RIMBP2: variants seen among roughly 807,000 people sequenced by gnomAD.
RIMBP2 encodes the protein RIMS-binding protein 2.
A neutral mutation model predicts 118.6 loss-of-function variants in RIMBP2; 48 were observed. That is an observed-to-expected ratio of 0.40 (90% CI 0.32 to 0.51). The LOEUF (loss-of-function observed/expected upper bound fraction) is 0.51. Among genes scored for constraint, RIMBP2 ranks in the 20% least tolerant of loss-of-function variants. The pLI is 0.41. For synonymous variants in RIMBP2, 762 were observed against 742.9 expected, an observed-to-expected ratio of 1.03 and a Z score of -0.42; for missense variants, 1,551 against 1,768.3, an observed-to-expected ratio of 0.88 and a Z score of 2.20.
chr12:130,412,850 C>T (rs1268501204), intron 18 of RIMBP2, 63 bp from the exon 19 acceptor site: 4 of 1,456,386 alleles, frequency 2.7e-6, no homozygotes, highest in Non-Finnish European at 3.7e-6. Flanking sequence ...TACAATAGTC[C>T]CACTGACGGT....
intron 19 of RIMBP2, 33 bp downstream of exon 19, chr12:130,412,586 C>T (rs2075804219): frequency 2.5e-6 from 4 of 1,598,654 alleles, no homozygotes; most frequent in Non-Finnish European, 3.4e-6. Flanking sequence ...GGATAAAATG[C>T]ACAGGGAAGG....
intron 3 of RIMBP2, among the ~76,000 whole-genome samples, chr12:130,514,002 A>AC (rs1470197133): frequency 6.6e-6 from 1 of 152,034 alleles, no homozygotes; most frequent in Non-Finnish European, 1.5e-5. Flanking sequence ...GCACAAAGTC[A>AC]CCCCCACACC....
chr12:130,420,882 C>A lies in RIMBP2; in HGVS notation c.3238+1571G>T, dbSNP rs1383218110. On this transcript the variant is annotated intron_variant, in intron 17 of 22. Coordinates refer to ENST00000690449, the MANE Select transcript of RIMBP2 (RefSeq NM_001393629.1). The surrounding 1 kb of genome is among the most constrained non-coding windows in gnomAD (Gnocchi z 4.3). The stretch of plus-strand genomic sequence containing the variant: ...GTCCTAGGAGACTGGAGTAGAAGAC[C>A]TACCATGCCTCTTCCAAAGGACGTC... 6.6e-6 allele frequency: 1 copy of A among 152,138 alleles called. No individual in the cohort carries two copies. The highest frequency in any genetic ancestry group is 2.4e-5 in the African/African-American group (1 of 41,418). The allele number at this position is 152,138 out of a possible 1,614,324, so 9.4% of individuals were successfully genotyped here.
chr12:130,440,343 ATGCTGACCTACATGTGAT>A (rs1438434858), intron 11 of RIMBP2, among the ~76,000 whole-genome samples: 1 of 152,144 alleles, frequency 6.6e-6, no homozygotes, highest in African/African-American at 2.4e-5. Context: ...ATTCTGAGAA[ATGCTGACCTACATGTGAT>A]TGTCCCAACT....
chr12:130,419,383 A>T lies in RIMBP2; in HGVS notation c.3238+3070T>A, dbSNP rs2076284560. Among the ~76,000 whole-genome samples, 1 of 152,180 alleles carries T rather than the reference A, an allele frequency of 6.6e-6. No individual in the cohort carries two copies. Among genetic ancestry groups the T allele is most frequent in the African/African-American group, 2.4e-5 (1 of 41,434 alleles). Reference sequence around the variant, plus strand: ...GCCTGGACGCCTGGGTGGGCTCCCAAATCCACTGGTGCCATAAGAATAAGC... The same window carrying T: ...GCCTGGACGCCTGGGTGGGCTCCCATATCCACTGGTGCCATAAGAATAAGC... On this transcript the variant is annotated intron_variant, in intron 17 of 22. Coordinates refer to ENST00000690449, the MANE Select transcript of RIMBP2 (RefSeq NM_001393629.1). The surrounding 1 kb of genome is among the most constrained non-coding windows in gnomAD (Gnocchi z 4.3).
In RIMBP2 at chr12:130,451,233, A is replaced by G; in HGVS notation, c.466T>C (p.Ser156Pro). 1 of 1,614,102 alleles carries G rather than the reference A, an allele frequency of 6.2e-7. No homozygotes were observed. Among genetic ancestry groups the G allele is most frequent in the Non-Finnish European group, 8.5e-7 (1 of 1,179,994 alleles). The change falls in exon 8 of 23, where the codon TCG (serine) becomes CCG (proline). Residue 156 changes from serine (S) to proline (P), a missense_variant. Coordinates refer to ENST00000690449, the MANE Select transcript of RIMBP2 (RefSeq NM_001393629.1). The stretch of plus-strand genomic sequence containing the variant: ...CTGCATCTTGCGCTACCGGATCTCG[A>G]CAGGAAGGTGGGCTTGGCGGACAGA... ...EPLSAKPTFL[S>P]RSGSARCRSE...
intron 2 of RIMBP2, among the ~76,000 whole-genome samples, chr12:130,519,421 G>A (rs2051837300): frequency 6.6e-6 from 1 of 152,238 alleles, no homozygotes; most frequent in African/African-American, 2.4e-5. Context: ...TTTGTTCCGG[G>A]AAACAATGAT....
In RIMBP2 at chr12:130,437,273, G is replaced by A. The variant is rs753731329; in HGVS notation, c.1675C>T (p.Pro559Ser). 1.3e-6 allele frequency: 2 copies of A among 1,579,580 alleles called. No individual in the cohort carries two copies. The highest frequency in any genetic ancestry group is 1.7e-6 in the Non-Finnish European group (2 of 1,170,430). Residue 559 changes from proline (P) to serine (S), a missense_variant, in exon 13 of 23, where the codon CCC becomes TCC. By Grantham distance (74) the Pro-to-Ser change is moderately conservative. This residue lies in a region of RIMBP2 where 1,038 missense variants were observed against 1,125.1 expected (regional missense o/e 0.92). Transcript: ENST00000690449. ...TCCACGGCCGTGCTGTCTGCCGTGG[G>A]GAAGATGACTTCAGCCACCTGTGGA... ...KGQRVAEVIF[P>S]TADSTAVELV... is the part of the protein sequence containing the mutation.
At chr12:130,518,920 C>A (rs1280311109) in intron 2 of RIMBP2, among the ~76,000 whole-genome samples, 1 of 152,120 alleles carries the variant, frequency 6.6e-6, no homozygotes, top group Admixed American at 6.5e-5. Flanking sequence ...AATAAAGCAA[C>A]CTGAAAAGGA....
rs1000113662 is a variant in RIMBP2 at position 130,422,707 on chromosome 12, G to T, written c.3130-146C>A. On this transcript the variant is annotated intron_variant, in intron 16 of 22. Transcript: ENST00000690449. The surrounding 1 kb of genome is among the most constrained non-coding windows in gnomAD (Gnocchi z 5.2). ...AACTGAAAGGTTAGCTGAATGGCCT[G>T]GGAGAGAACAAAGCCGGGCACCAGC... 1 of 626,044 alleles carries T rather than the reference G, an allele frequency of 1.6e-6. No homozygotes were observed. Among genetic ancestry groups the T allele is most frequent in the Non-Finnish European group, 2.8e-6 (1 of 354,824 alleles). The allele number at this position is 626,044 out of a possible 1,614,324, so 38.8% of individuals were successfully genotyped here. A position where few individuals can be genotyped will look rare whatever the true frequency, so the allele number is the denominator to read the frequency against.
intron 3 of RIMBP2, among the ~76,000 whole-genome samples, chr12:130,509,384 C>T (rs946132949): frequency 2.6e-5 from 4 of 152,340 alleles, no homozygotes; most frequent in Admixed American, 2.6e-4. Flanking sequence ...AGCTGCAGGT[C>T]CTCTAAGCAT....
At position 130,621,425 on chromosome 12, in the gene RIMBP2, C is replaced by CAA. The variant is rs1445724170; in HGVS notation, c.-217+6895_-217+6896dup. 6.6e-6 allele frequency among the ~76,000 whole-genome samples: 1 copy of CAA among 152,156 alleles called. No homozygotes were observed. Among genetic ancestry groups the CAA allele is most frequent in the African/African-American group, 2.4e-5 (1 of 41,450 alleles). On this transcript the variant is annotated intron_variant, in intron 2 of 22. Coordinates refer to ENST00000690449, the MANE Select transcript of RIMBP2 (RefSeq NM_001393629.1). This position sits in a 1 kb window ranked among gnomAD's most constrained non-coding sequence, Gnocchi z 6.6. ...CACAGAGGAAAAGGATGGAGATTCC[C>CAA]AAAACATCGGCAGAGTTCCTGGACG... is the stretch of plus-strand genomic sequence containing the variant.
intron 2 of RIMBP2, among the ~76,000 whole-genome samples, chr12:130,531,087 C>G (rs1276990072): frequency 6.6e-6 from 1 of 152,196 alleles, no homozygotes; most frequent in Non-Finnish European, 1.5e-5. Context: ...TAGTTTAGAT[C>G]CAAATCTATC....
At chr12:130,414,028 C>T (rs907448557) in intron 18 of RIMBP2, 97 bp downstream of exon 18, 19 of 1,296,060 alleles carry the variant, frequency 1.5e-5, no homozygotes, top group Middle Eastern at 2.7e-4. Flanking sequence ...CAGGAGAAGG[C>T]CATCTCTAAG....
At chr12:130,567,091 C>A (rs1315030575) in intron 2 of RIMBP2, among the ~76,000 whole-genome samples, 1 of 152,146 alleles carries the variant, frequency 6.6e-6, no homozygotes, top group Non-Finnish European at 1.5e-5. Context: ...TCTGACCAGA[C>A]CAAACTCAGG....
intron 1 of RIMBP2, among the ~76,000 whole-genome samples, chr12:130,687,183 C>T (rs575881510): frequency 4.6e-5 from 7 of 152,322 alleles, no homozygotes; most frequent in African/African-American, 1.4e-4. Flanking sequence ...CCGCCAAAGC[C>T]ATGTTCAAAG....
At chr12:130,557,397 C>G (rs995824100) in intron 2 of RIMBP2, among the ~76,000 whole-genome samples, 1 of 152,258 alleles carries the variant, frequency 6.6e-6, no homozygotes, top group African/African-American at 2.4e-5. Flanking sequence ...CGTGTCCCAT[C>G]AGGCCATCTG....
chr12:130,664,447 G>GCACGCACGCACACACACGTGCATGCACA (rs2063823662), intron 1 of RIMBP2, among the ~76,000 whole-genome samples: 15 of 122,504 alleles, frequency 1.2e-4, no homozygotes, highest in South Asian at 5.8e-4. Context: ...ACGCACACAC[G>GCACGCACGCACACACACGTGCATGCACA]CACACACATG....
chr12:130,567,970 G>A (rs544599223), intron 2 of RIMBP2, among the ~76,000 whole-genome samples: 2 of 151,962 alleles, frequency 1.3e-5, no homozygotes, highest in Admixed American at 1.3e-4. Context: ...GCCATCCCAC[G>A]AACATCACCT....
Sources: gnomAD v4.1 joint callset for allele counts (sites outside exome capture counted in the v4.1 genomes callset) on GRCh38, gnomAD v4.1.1 for gene constraint, gnomAD v4.1.1 regional missense constraint, Gnocchi (gnomAD v3.1) non-coding constraint, MANE v1.5 for transcripts, NCBI Gene and HGNC (gene_info 2026-07-23, HGNC 2026-07-21) for gene names.